Variants in MEIKIN observed in about 807,000 individuals in gnomAD.
MEIKIN encodes the protein meiosis-specific kinetochore protein.
chr5:131,865,583 T>A (rs1312760687), intron 9 of MEIKIN, among the ~76,000 whole-genome samples: 1 of 152,246 alleles, frequency 6.6e-6, no homozygotes, highest in Non-Finnish European at 1.5e-5. Context: ...AGGTGTCATA[T>A]TTCCTTGCTT....
chr5:131,809,789 T>C (rs1772917831), intron 12 of MEIKIN, among the ~76,000 whole-genome samples: 1 of 147,646 alleles, frequency 6.8e-6, no homozygotes. Context: ...AGAGTGAGAC[T>C]CTGTCTCAAA....
At chr5:131,917,877 G>C (rs1230841080) in intron 6 of MEIKIN, among the ~76,000 whole-genome samples, 1 of 152,124 alleles carries the variant, frequency 6.6e-6, no homozygotes, top group Non-Finnish European at 1.5e-5. Context: ...AACATAAAAG[G>C]CTACAGTGGA....
chr5:131,898,359 C>G (rs1037866221), intron 8 of MEIKIN, among the ~76,000 whole-genome samples: 1 of 152,194 alleles, frequency 6.6e-6, no homozygotes, highest in Non-Finnish European at 1.5e-5. Context: ...AAGGTGTCTC[C>G]CAGTTAGGCT....
intron 9 of MEIKIN, among the ~76,000 whole-genome samples, chr5:131,861,752 T>G (rs182471897): frequency 6.6e-5 from 10 of 152,350 alleles, no homozygotes; most frequent in Non-Finnish European, 1.5e-4. Flanking sequence ...ATGTATCAAA[T>G]TTATTGATTT....
intron 8 of MEIKIN, among the ~76,000 whole-genome samples, chr5:131,887,047 G>T (rs1750810802): frequency 6.8e-6 from 1 of 146,020 alleles, no homozygotes; most frequent in African/African-American, 2.5e-5. Context: ...TGTTCTCATT[G>T]TTCAATTCCC....
chr5:131,942,229 T>C (rs1751880017), intron 4 of MEIKIN, among the ~76,000 whole-genome samples: 1 of 152,248 alleles, frequency 6.6e-6, no homozygotes, highest in African/African-American at 2.4e-5. Context: ...ACTGCAGTCA[T>C]ACTGGCCTTC....
intron 4 of MEIKIN, among the ~76,000 whole-genome samples, chr5:131,934,515 T>TA (rs1213995264): frequency 2.0e-5 from 3 of 151,962 alleles, no homozygotes; most frequent in Non-Finnish European, 2.9e-5. Flanking sequence ...GGTATCCATA[T>TA]AAAAAAACAA....
chr5:131,891,044 C>T (rs1398621990), intron 8 of MEIKIN, among the ~76,000 whole-genome samples: 5 of 152,112 alleles, frequency 3.3e-5, no homozygotes, highest in African/African-American at 9.7e-5. Flanking sequence ...AGTTTCTTAA[C>T]CCTGAGTTCT....
chr5:131,935,865 A>T (rs1395177806), intron 4 of MEIKIN, among the ~76,000 whole-genome samples: 2 of 149,876 alleles, frequency 1.3e-5, no homozygotes, highest in Non-Finnish European at 3.0e-5. Flanking sequence ...TCAATCTACC[A>T]TCCTTCTCCA....
intron 11 of MEIKIN, among the ~76,000 whole-genome samples, chr5:131,843,232 T>C (rs1013703160): frequency 2.0e-5 from 3 of 152,254 alleles, no homozygotes; most frequent in African/African-American, 7.2e-5. Context: ...TGGGAGGGGC[T>C]GTTGTGAAGG....
chr5:131,941,956 A>C (rs559586586), intron 4 of MEIKIN, among the ~76,000 whole-genome samples: 2 of 152,112 alleles, frequency 1.3e-5, no homozygotes, highest in Non-Finnish European at 2.9e-5. Context: ...TCCATCTCCA[A>C]TGTCACCACC....
chr5:131,893,533 A>G (rs757363089), intron 8 of MEIKIN, among the ~76,000 whole-genome samples: 1 of 152,158 alleles, frequency 6.6e-6, no homozygotes, highest in Non-Finnish European at 1.5e-5. Flanking sequence ...CACCCCTTGC[A>G]CTTCCCGGGT....
intron 6 of MEIKIN, among the ~76,000 whole-genome samples, chr5:131,919,464 TG>T (rs1751470188): frequency 6.6e-6 from 1 of 152,200 alleles, no homozygotes; most frequent in African/African-American, 2.4e-5. Flanking sequence ...GGCAAAATAC[TG>T]GGGAAAAACC....
chr5:131,867,839 G>C (rs1750413644), intron 9 of MEIKIN, among the ~76,000 whole-genome samples: 1 of 152,142 alleles, frequency 6.6e-6, no homozygotes, highest in South Asian at 2.1e-4. Context: ...TAAACGTTCA[G>C]GTGCATACTT....
chr5:131,825,304 G>C (rs1435828898), intron 11 of MEIKIN, among the ~76,000 whole-genome samples: 1 of 152,150 alleles, frequency 6.6e-6, no homozygotes, highest in Admixed American at 6.5e-5. Flanking sequence ...AGATATATGT[G>C]TCAGGCCCCA....
At chr5:131,892,715 C>G (rs576637340) in intron 8 of MEIKIN, among the ~76,000 whole-genome samples, 1 of 152,220 alleles carries the variant, frequency 6.6e-6, no homozygotes, top group African/African-American at 2.4e-5. Flanking sequence ...TCTCTCAACT[C>G]GTCAAAGTCA....
At chr5:131,842,743 C>T (rs1234919242) in intron 11 of MEIKIN, among the ~76,000 whole-genome samples, 1 of 152,194 alleles carries the variant, frequency 6.6e-6, no homozygotes, top group Non-Finnish European at 1.5e-5. Context: ...AACAACTTAA[C>T]TTCAATCACA....
chr5:131,911,119 T>C (rs1751329429), intron 8 of MEIKIN, among the ~76,000 whole-genome samples: 2 of 152,144 alleles, frequency 1.3e-5, no homozygotes, highest in Non-Finnish European at 2.9e-5. Flanking sequence ...TTTTTATCAC[T>C]AGACTAATTT....
chr5:131,902,029 G>T (rs995445603), intron 8 of MEIKIN, among the ~76,000 whole-genome samples: 3 of 152,136 alleles, frequency 2.0e-5, no homozygotes, highest in African/African-American at 7.2e-5. Context: ...GTTCTCATGA[G>T]ATCTGGTCCT....
Sources: allele counts gnomAD v4.1 joint callset (sites outside exome capture counted in the v4.1 genomes callset), GRCh38; gene constraint gnomAD v4.1.1; transcripts MANE v1.5; gene names NCBI Gene and HGNC (gene_info 2026-07-23, HGNC 2026-07-21).